ELP4: variants seen among roughly 807,000 people sequenced by gnomAD.
ELP4 encodes the protein elongator complex protein 4.
ELP4 carries 51 observed loss-of-function variants against 48.9 expected under a neutral mutation model. The ratio of observed to expected loss-of-function variants is 1.04; its 90% CI spans 0.83 to 1.32. The LOEUF (loss-of-function observed/expected upper bound fraction) is 1.32, where lower values mean the gene tolerates loss of function less well. Among genes scored for constraint, ELP4 ranks in the 40% most tolerant of loss-of-function variants. ELP4 has a pLI of 0.00. For synonymous variants in ELP4, 210 were observed against 189.2 expected (o/e 1.11, Z -0.90); for missense variants, 519 against 514.6 (o/e 1.01, Z -0.08).
intron 2 of ELP4, among the ~76,000 whole-genome samples, chr11:31,522,879 G>A (rs1449138377): frequency 7.0e-6 from 1 of 143,514 alleles, no homozygotes; most frequent in Non-Finnish European, 1.5e-5. Flanking sequence ...TTTTTTTTAA[G>A]AGATGAGTCT....
At chr11:31,539,284 G>A (rs1200999887) in intron 2 of ELP4, among the ~76,000 whole-genome samples, 10 of 152,154 alleles carry the variant, frequency 6.6e-5, no homozygotes, top group Non-Finnish European at 1.5e-5. Flanking sequence ...CTAACACAGT[G>A]AAACCCTGTG....
chr11:31,696,395 ATC>A (rs1340885200), intron 9 of ELP4, among the ~76,000 whole-genome samples: 1 of 152,164 alleles, frequency 6.6e-6, no homozygotes, highest in Non-Finnish European at 1.5e-5. Flanking sequence ...TTCGAAGAAC[ATC>A]TTTATTTCTG....
chr11:31,757,294 C>T (rs1353202037), intron 9 of ELP4, among the ~76,000 whole-genome samples: 1 of 152,040 alleles, frequency 6.6e-6, no homozygotes, highest in South Asian at 2.1e-4. Flanking sequence ...TAAGGGAAAG[C>T]AGGGGAAGTA....
intron 2 of ELP4, among the ~76,000 whole-genome samples, chr11:31,529,597 G>A (rs759366830): frequency 9.2e-5 from 14 of 152,156 alleles, no homozygotes; most frequent in Admixed American, 2.6e-4. Flanking sequence ...AAATTAAATA[G>A]TGCAGGAAGA....
chr11:31,711,140 A>G (rs544339599), intron 9 of ELP4, among the ~76,000 whole-genome samples: 3 of 152,364 alleles, frequency 2.0e-5, no homozygotes, highest in Non-Finnish European at 4.4e-5. Flanking sequence ...TGGATGATAC[A>G]TAAATGTAAA....
At chr11:31,738,579 T>TA (rs1441183715) in intron 9 of ELP4, among the ~76,000 whole-genome samples, 2 of 151,542 alleles carry the variant, frequency 1.3e-5, no homozygotes, top group African/African-American at 4.9e-5. Flanking sequence ...CTACAAAAAA[T>TA]ACAAAAGTTT....
intron 9 of ELP4, chr11:31,651,806 C>G (rs150763615): frequency 6.6e-6 from 1 of 151,606 alleles, no homozygotes; most frequent in Non-Finnish European, 1.5e-5. Context: ...CAAGATGATT[C>G]CCCTGTGAAA....
At chr11:31,681,947 GC>G in intron 9 of ELP4, 1 of 542,580 alleles carries the variant, frequency 1.8e-6, no homozygotes, top group Non-Finnish European at 2.9e-6. Flanking sequence ...CACCATGTTG[GC>G]CAGGCTGGTC....
At chr11:31,758,508 G>A (rs148296974) in intron 9 of ELP4, among the ~76,000 whole-genome samples, 6 of 152,258 alleles carry the variant, frequency 3.9e-5, no homozygotes, top group Non-Finnish European at 5.9e-5. Context: ...GACCATGGAC[G>A]TTGTCAACCT....
chr11:31,678,491 A>ATGTGTG (rs1412303062), intron 9 of ELP4, among the ~76,000 whole-genome samples: 3 of 46,520 alleles, frequency 6.4e-5, no homozygotes, highest in African/African-American at 1.4e-4. Context: ...GCATACATAT[A>ATGTGTG]TGTATGTGTG....
At chr11:31,749,147 G>A (rs953876129) in intron 9 of ELP4, among the ~76,000 whole-genome samples, 1 of 152,106 alleles carries the variant, frequency 6.6e-6, no homozygotes, top group Non-Finnish European at 1.5e-5. Context: ...AGCCATAGAC[G>A]ATGTAGAGAA....
chr11:31,591,430 G>T (rs1468560431), intron 3 of ELP4, among the ~76,000 whole-genome samples: 1 of 142,700 alleles, frequency 7.0e-6, no homozygotes, highest in Non-Finnish European at 1.5e-5. Context: ...AAAGGGGGGG[G>T]GGGGGTATAA....
At chr11:31,550,217 A>G (rs991452961) in intron 3 of ELP4, among the ~76,000 whole-genome samples, 15 of 152,176 alleles carry the variant, frequency 9.9e-5, no homozygotes, top group African/African-American at 3.6e-4. Flanking sequence ...GTAAATATAT[A>G]ATACTTTTAT....
intron 9 of ELP4, among the ~76,000 whole-genome samples, chr11:31,675,445 G>A (rs913721294): frequency 4.6e-5 from 7 of 151,912 alleles, no homozygotes; most frequent in Non-Finnish European, 1.0e-4. Context: ...TGTATTTTTG[G>A]TAGAGACAGG....
chr11:31,519,347 A>G lies in ELP4; in HGVS notation c.224-709A>G, dbSNP rs532099714. Reference sequence around the variant, plus strand: ...TAAATATTAATGTGGAATTTCTATAATAATCTTTGTTGTACTTCTGTAGTA... The same window carrying G: ...TAAATATTAATGTGGAATTTCTATAGTAATCTTTGTTGTACTTCTGTAGTA... On this transcript the variant is annotated intron_variant, in intron 1 of 9. Transcript: ENST00000640961. Among the ~76,000 whole-genome samples, 704 of 152,000 alleles carry G rather than the reference A, an allele frequency of 4.6e-3. 8 individuals are homozygous for G. Among genetic ancestry groups the G allele is most frequent in the African/African-American group, 0.016 (681 of 41,274 alleles).
intron 6 of ELP4, among the ~76,000 whole-genome samples, chr11:31,629,169 A>G (rs1427559083): frequency 1.3e-5 from 2 of 151,988 alleles, no homozygotes; most frequent in African/African-American, 2.4e-5. Flanking sequence ...TTAAGTTGTT[A>G]TTTTTAAATA....
rs192296709 is a variant in ELP4 at position 31,722,417 on chromosome 11, G to A, written c.1144-60976G>A. Among the ~76,000 whole-genome samples the A allele has an allele frequency of 1.3e-4, 20 of 152,226 alleles. No individual in the cohort carries two copies. In the East Asian group the frequency reaches 2.5e-3, roughly 19 times the overall value. On this transcript the variant is annotated intron_variant, in intron 9 of 9. Coordinates refer to ENST00000640961, the MANE Select transcript of ELP4 (RefSeq NM_019040.5). Reference sequence around the variant, plus strand: ...ATACATTTTAAAATTTACATATGATGCTTACAATTGACATTGTCTATATTC... The same window carrying A: ...ATACATTTTAAAATTTACATATGATACTTACAATTGACATTGTCTATATTC...
intron 5 of ELP4, among the ~76,000 whole-genome samples, chr11:31,608,397 A>G (rs1957914132): frequency 6.6e-6 from 1 of 151,962 alleles, no homozygotes; most frequent in African/African-American, 2.4e-5. Context: ...GTCTAAGAAG[A>G]CGGCGTGAGC....
chr11:31,657,009 A>C (rs1945451599), intron 9 of ELP4, among the ~76,000 whole-genome samples: 1 of 152,064 alleles, frequency 6.6e-6, no homozygotes, highest in African/African-American at 2.4e-5. Flanking sequence ...AAATGATGAC[A>C]AATCACAGCT....
Sources: allele counts gnomAD v4.1 joint callset (sites outside exome capture counted in the v4.1 genomes callset), GRCh38; gene constraint gnomAD v4.1.1; transcripts MANE v1.5; gene names NCBI Gene and HGNC (gene_info 2026-07-23, HGNC 2026-07-21).